The following CHMP4B variants were observed in gnomAD, a reference collection of about 807,000 sequenced individuals.
CHMP4B encodes SNF7 homolog associated with Alix 1.
A neutral mutation model predicts 25.1 loss-of-function variants in CHMP4B; 1 was observed. The observed-to-expected ratio is 0.04, with a 90% CI of 0.01 to 0.19. CHMP4B has a LOEUF of 0.19. CHMP4B is among the 10% of genes least tolerant of loss of function. The pLI, the probability that CHMP4B is intolerant of heterozygous loss-of-function variation, is 1.00. For missense variants in CHMP4B, 151 were observed against 289.7 expected (o/e 0.52, Z 3.48); for synonymous variants, 101 against 115.6 (o/e 0.87, Z 0.81).
chr20:33,820,425 T>G (rs554422726), intron 1 of CHMP4B, among the ~76,000 whole-genome samples: 13 of 152,326 alleles, frequency 8.5e-5, no homozygotes, highest in African/African-American at 3.1e-4. Flanking sequence ...TCAAAGATGG[T>G]AGCTAGAAAC....
Position 33,813,795 on chromosome 20 carries a change from C to T in CHMP4B, c.190+2137C>T, listed in dbSNP as rs184727708. Among the ~76,000 whole-genome samples, 818 of 152,134 alleles carry T rather than the reference C, an allele frequency of 5.4e-3. 5 individuals are homozygous for T. Among genetic ancestry groups the T allele is most frequent in the Non-Finnish European group, 5.6e-3 (380 of 68,000 alleles). Reference sequence around the variant, plus strand: ...TTGCCCAGGCTGGAGTGCAGTGGTGCGATCTCAGCTCACTGCAACCTCTGC... The same window carrying T: ...TTGCCCAGGCTGGAGTGCAGTGGTGTGATCTCAGCTCACTGCAACCTCTGC... On this transcript the variant is annotated intron_variant, in intron 1 of 4. Transcript: ENST00000217402.
chr20:33,820,376 A>G (rs1157219228), intron 1 of CHMP4B, among the ~76,000 whole-genome samples: 1 of 152,198 alleles, frequency 6.6e-6, no homozygotes. Context: ...TTAATGCTGT[A>G]TAGGTACACA....
Position 33,853,550 on chromosome 20 carries a change from G to A in CHMP4B, c.665G>A (p.Gly222Glu). The change falls in exon 5 of 5, where the codon GGA (glycine) becomes GAA (glutamate). Residue 222 changes from glycine (G) to glutamate (E), a missense_variant. By Grantham distance (98) the Gly-to-Glu change is moderately conservative. Coordinates refer to ENST00000217402, the MANE Select transcript of CHMP4B (RefSeq NM_176812.5). ...DDMKELENWA[G>E]SM Reference sequence around the variant, plus strand: ...ATGAAGGAATTGGAGAACTGGGCTGGATCCATGTAATGGGGTCCAGCGCTG... The same window carrying A: ...ATGAAGGAATTGGAGAACTGGGCTGAATCCATGTAATGGGGTCCAGCGCTG... The A allele has an allele frequency of 6.2e-7, 1 of 1,613,930 alleles. No individual in the cohort carries two copies. Among genetic ancestry groups the A allele is most frequent in the South Asian group, 1.1e-5 (1 of 91,062 alleles).
intron 1 of CHMP4B, among the ~76,000 whole-genome samples, chr20:33,842,918 C>G (rs938876723): frequency 6.6e-6 from 1 of 152,162 alleles, no homozygotes; most frequent in Non-Finnish European, 1.5e-5. Flanking sequence ...GCTATTTGCC[C>G]CTATACTGAA....
At chr20:33,823,936 A>G (rs1979016466) in intron 1 of CHMP4B, among the ~76,000 whole-genome samples, 1 of 152,140 alleles carries the variant, frequency 6.6e-6, no homozygotes, top group African/African-American at 2.4e-5. Flanking sequence ...TCAGCCTCCC[A>G]AAGAGTTGGG....
intron 1 of CHMP4B, among the ~76,000 whole-genome samples, chr20:33,820,465 T>C (rs575190753): frequency 5.2e-4 from 79 of 152,368 alleles, no homozygotes; most frequent in Non-Finnish European, 1.0e-3. Context: ...ATTTGATAGA[T>C]AAGTATGTAG....
At chr20:33,836,490 A>G (rs376559023) in intron 1 of CHMP4B, among the ~76,000 whole-genome samples, 12 of 152,128 alleles carry the variant, frequency 7.9e-5, no homozygotes, top group East Asian at 3.9e-4. Context: ...GCTGAGGAAG[A>G]GGCACTATGA....
At chr20:33,851,577 T>C (rs2122818296) in intron 3 of CHMP4B, among the ~76,000 whole-genome samples, 1 of 152,240 alleles carries the variant, frequency 6.6e-6, no homozygotes, top group East Asian at 1.9e-4. Context: ...GGTATTTCAC[T>C]GTGTGCTAGA....
chr20:33,836,315 G>A (rs1979390570), intron 1 of CHMP4B, among the ~76,000 whole-genome samples: 1 of 151,500 alleles, frequency 6.6e-6, no homozygotes, highest in Non-Finnish European at 1.5e-5. Context: ...TATGTTTTGG[G>A]GGCACAAGTT....
At chr20:33,816,964 G>A (rs1385791382) in intron 1 of CHMP4B, among the ~76,000 whole-genome samples, 1 of 152,138 alleles carries the variant, frequency 6.6e-6, no homozygotes, top group Admixed American at 6.5e-5. Flanking sequence ...CTGGAGTGAG[G>A]GTGGTTTTCT....
At chr20:33,844,424 T>C (rs1056412616) in intron 1 of CHMP4B, among the ~76,000 whole-genome samples, 2 of 152,214 alleles carry the variant, frequency 1.3e-5, no homozygotes, top group Non-Finnish European at 2.9e-5. Flanking sequence ...CAAAGATGAA[T>C]AATATCAGCA....
intron 1 of CHMP4B, among the ~76,000 whole-genome samples, chr20:33,813,272 G>A (rs1171137590): frequency 6.6e-6 from 1 of 152,202 alleles, no homozygotes; most frequent in African/African-American, 2.4e-5. Flanking sequence ...TGCTTGGAGG[G>A]AGAGTGGTAT....
chr20:33,849,642 T>TA (rs1249809109), intron 2 of CHMP4B, among the ~76,000 whole-genome samples: 1 of 152,186 alleles, frequency 6.6e-6, no homozygotes, highest in African/African-American at 2.4e-5. Context: ...GCATTTGTTG[T>TA]AGTGCTTAGA....
intron 1 of CHMP4B, among the ~76,000 whole-genome samples, chr20:33,818,686 T>A (rs1469579889): frequency 6.6e-6 from 1 of 152,212 alleles, no homozygotes; most frequent in Admixed American, 6.5e-5. Context: ...CACTAGACAT[T>A]TGTGAACTAG....
rs150805910 is a variant in CHMP4B at position 33,845,471 on chromosome 20, C to T, written c.191-2996C>T. Among the ~76,000 whole-genome samples the T allele has an allele frequency of 3.2e-3, 480 of 152,136 alleles. 2 individuals are homozygous for T. Among genetic ancestry groups the T allele is most frequent in the African/African-American group, 0.011 (455 of 41,504 alleles). ...CCGAGTAGCTGGGACTACAGGTGCG[C>T]GCCACCATGTCCGGCTAATTTTTGT... On this transcript the variant is annotated intron_variant, in intron 1 of 4. Transcript: ENST00000217402.
chr20:33,829,003 C>T (rs1979169991), intron 1 of CHMP4B, among the ~76,000 whole-genome samples: 1 of 152,226 alleles, frequency 6.6e-6, no homozygotes, highest in Non-Finnish European at 1.5e-5. Flanking sequence ...TTCTGTTACT[C>T]ATTCAACATG....
chr20:33,832,361 C>T (rs1301235846), intron 1 of CHMP4B, among the ~76,000 whole-genome samples: 1 of 152,176 alleles, frequency 6.6e-6, no homozygotes, highest in East Asian at 1.9e-4. Context: ...GCAAGCCTGG[C>T]TAAGAGCATC....
intron 1 of CHMP4B, among the ~76,000 whole-genome samples, chr20:33,844,029 G>A (rs1979613932): frequency 1.3e-5 from 2 of 152,244 alleles, no homozygotes; most frequent in Admixed American, 6.5e-5. Context: ...TGCGAAGAGG[G>A]GAAGAGGCTG....
chr20:33,827,866 G>C (rs1021336374), intron 1 of CHMP4B, among the ~76,000 whole-genome samples: 1 of 152,214 alleles, frequency 6.6e-6, no homozygotes, highest in Non-Finnish European at 1.5e-5. Flanking sequence ...GGATCATGAA[G>C]AAAGGAACCA....
Sources: gnomAD v4.1 joint callset for allele counts (sites outside exome capture counted in the v4.1 genomes callset) on GRCh38, gnomAD v4.1.1 for gene constraint, MANE v1.5 for transcripts, NCBI Gene and HGNC (gene_info 2026-07-23, HGNC 2026-07-21) for gene names.